NEK11: variants seen among roughly 807,000 people sequenced by gnomAD.
The protein encoded by NEK11 is NIMA related kinase 11.
In NEK11, 72 loss-of-function variants were observed where a neutral mutation model predicts 80.7. The ratio of observed to expected loss-of-function variants is 0.89; its 90% CI spans 0.74 to 1.08. NEK11 has a LOEUF of 1.08. NEK11 is among the 50% of genes least tolerant of loss of function. NEK11 has a pLI of 0.00. For missense variants in NEK11, 764 were observed against 763.6 expected (o/e 1.00, Z -0.01); for synonymous variants, 251 against 260.7 (o/e 0.96, Z 0.36).
intron 7 of NEK11, among the ~76,000 whole-genome samples, chr3:131,142,493 G>A (rs1223296126): frequency 6.6e-6 from 1 of 151,534 alleles, no homozygotes; most frequent in Non-Finnish European, 1.5e-5. Flanking sequence ...CAGCCATTCA[G>A]TCAAAATGTG....
intron 7 of NEK11, among the ~76,000 whole-genome samples, chr3:131,136,819 G>T (rs1207512508): frequency 3.3e-5 from 5 of 152,162 alleles, no homozygotes; most frequent in African/African-American, 7.2e-5. Flanking sequence ...ACCCACAGGA[G>T]AAATACAAAT....
At chr3:131,040,439 T>C (rs550820192) in intron 3 of NEK11, among the ~76,000 whole-genome samples, 1 of 152,242 alleles carries the variant, frequency 6.6e-6, no homozygotes, top group East Asian at 1.9e-4. Flanking sequence ...ATATCAAAAT[T>C]TGGCAAATTA....
chr3:131,244,689 A>G (rs2095570482), intron 16 of NEK11, among the ~76,000 whole-genome samples: 1 of 152,070 alleles, frequency 6.6e-6, no homozygotes, highest in African/African-American at 2.4e-5. Context: ...TGGGAGGCTG[A>G]GGTGGGAGGA....
chr3:131,097,203 A>G (rs1395076702), intron 4 of NEK11, among the ~76,000 whole-genome samples: 1 of 151,992 alleles, frequency 6.6e-6, no homozygotes, highest in Non-Finnish European at 1.5e-5. Flanking sequence ...ATACGTGTGC[A>G]TGTGTCTTTA....
At chr3:131,305,385 G>A (rs1331662891) in intron 17 of NEK11, among the ~76,000 whole-genome samples, 1 of 152,066 alleles carries the variant, frequency 6.6e-6, no homozygotes, top group Admixed American at 6.5e-5. Context: ...GGGCATCCAA[G>A]GCTGCACTGC....
intron 17 of NEK11, among the ~76,000 whole-genome samples, chr3:131,294,433 A>G (rs367593080): frequency 2.1e-4 from 32 of 151,672 alleles, no homozygotes; most frequent in African/African-American, 7.7e-4. Context: ...CAGACATTGT[A>G]TGATTTCTGT....
chr3:131,344,483 C>G (rs1349663795), intron 17 of NEK11, among the ~76,000 whole-genome samples: 3 of 152,226 alleles, frequency 2.0e-5, no homozygotes, highest in Admixed American at 6.5e-5. Context: ...CCAATTTCTG[C>G]CCATTACCCA....
intron 14 of NEK11, among the ~76,000 whole-genome samples, chr3:131,179,324 G>A (rs1238224262): frequency 6.6e-6 from 1 of 152,184 alleles, no homozygotes; most frequent in African/African-American, 2.4e-5. Context: ...TGTGACAATA[G>A]CACAGATAGG....
intron 16 of NEK11, among the ~76,000 whole-genome samples, chr3:131,270,950 GT>G (rs200459117): frequency 0.023 from 3,503 of 152,268 alleles, 97 homozygotes; most frequent in Admixed American, 0.088. Flanking sequence ...GGTTGGTGTT[GT>G]TTTAGTAACT....
chr3:131,044,422 C>CAAAAAAAAA (rs57412173), intron 3 of NEK11, among the ~76,000 whole-genome samples: 1 of 37,762 alleles, frequency 2.6e-5, no homozygotes, highest in Non-Finnish European at 4.0e-5. Flanking sequence ...AAATGGAAAG[C>CAAAAAAAAA]AAAAAAAAAA....
At chr3:131,317,774 AAGGAGG>A (rs1211307501) in intron 17 of NEK11, among the ~76,000 whole-genome samples, 87 of 108,890 alleles carry the variant, frequency 8.0e-4, no homozygotes, top group African/African-American at 2.8e-3. Context: ...GAAGAAGGAG[AAGGAGG>A]AGGAGGAGGA....
intron 4 of NEK11, among the ~76,000 whole-genome samples, chr3:131,093,509 C>T (rs570798050): frequency 6.6e-5 from 10 of 152,032 alleles, no homozygotes; most frequent in Non-Finnish European, 1.0e-4. Flanking sequence ...GTGCAATCTC[C>T]GCCTCCTCAG....
intron 2 of NEK11, among the ~76,000 whole-genome samples, chr3:131,028,882 C>A (rs1467057350): frequency 6.6e-6 from 1 of 152,178 alleles, no homozygotes; most frequent in Non-Finnish European, 1.5e-5. Context: ...ATAACTGCCA[C>A]GTCTCATAGC....
chr3:131,069,924 A>G (rs2072948422), intron 3 of NEK11, among the ~76,000 whole-genome samples: 1 of 151,946 alleles, frequency 6.6e-6, no homozygotes, highest in South Asian at 2.1e-4. Flanking sequence ...ACATGTATAC[A>G]TATGTAACTA....
chr3:131,271,094 G>T (rs1301679152), intron 16 of NEK11, among the ~76,000 whole-genome samples: 1 of 152,210 alleles, frequency 6.6e-6, no homozygotes, highest in African/African-American at 2.4e-5. Flanking sequence ...TAGTGGGAAG[G>T]TTGGAGCTGA....
chr3:131,153,076 ACT>A (rs2090003606), intron 9 of NEK11, among the ~76,000 whole-genome samples: 1 of 152,116 alleles, frequency 6.6e-6, no homozygotes. Flanking sequence ...ACAGAGTGAG[ACT>A]CTGTCTCAAA....
chr3:131,276,985 G>T (rs2108755860), intron 17 of NEK11, among the ~76,000 whole-genome samples: 1 of 152,264 alleles, frequency 6.6e-6, no homozygotes, highest in South Asian at 2.1e-4. Context: ...TGACATTTTT[G>T]AAGAGTGCAG....
intron 14 of NEK11, among the ~76,000 whole-genome samples, chr3:131,215,279 G>C (rs925600140): frequency 8.4e-6 from 1 of 119,436 alleles, no homozygotes; most frequent in Non-Finnish European, 1.7e-5. Flanking sequence ...GTTGTGGGGC[G>C]GGGGGAGGGG....
intron 7 of NEK11, among the ~76,000 whole-genome samples, chr3:131,151,147 T>C (rs2089562762): frequency 6.6e-6 from 1 of 152,066 alleles, no homozygotes. Context: ...TTTGGAAAGA[T>C]AAATGCCTTA....
Sources: gnomAD v4.1 joint callset for allele counts (sites outside exome capture counted in the v4.1 genomes callset) on GRCh38, gnomAD v4.1.1 for gene constraint, MANE v1.5 for transcripts, NCBI Gene and HGNC (gene_info 2026-07-23, HGNC 2026-07-21) for gene names.